The following GALNTL6 variants were observed in gnomAD, a reference collection of about 807,000 sequenced individuals.
GALNTL6 encodes the protein polypeptide N-acetylgalactosaminyltransferase-like 6.
In GALNTL6, 46 loss-of-function variants were observed where a neutral mutation model predicts 73.7. The observed-to-expected ratio is 0.62, with a 90% CI of 0.49 to 0.80. The LOEUF is 0.80. Among genes scored for constraint, GALNTL6 ranks in the 30% least tolerant of loss-of-function variants. The probability of loss-of-function intolerance (pLI) is 0.00; values close to 1 mark genes in which losing one functional copy is unlikely to be tolerated. For synonymous variants in GALNTL6, 259 were observed against 263.7 expected (o/e 0.98, Z 0.17); for missense variants, 604 against 755.0 (o/e 0.80, Z 2.34).
chr4:171,980,668 T>G (rs949955886), intron 2 of GALNTL6, among the ~76,000 whole-genome samples: 30 of 152,238 alleles, frequency 2.0e-4, no homozygotes, highest in African/African-American at 6.8e-4. Context: ...AGTGTTCTTG[T>G]GTTCTTGTTC....
intron 5 of GALNTL6, among the ~76,000 whole-genome samples, chr4:172,370,334 A>G (rs1044443153): frequency 1.3e-5 from 2 of 152,154 alleles, no homozygotes; most frequent in African/African-American, 4.8e-5. Flanking sequence ...TAACAGCAAG[A>G]TGGCTGCCAC....
chr4:171,973,795 T>G (rs59990624), intron 2 of GALNTL6, among the ~76,000 whole-genome samples: 4,256 of 152,260 alleles, frequency 0.028, 154 homozygotes, highest in African/African-American at 0.079. Flanking sequence ...TTATTATCGT[T>G]ATAGAGACAT....
intron 2 of GALNTL6, among the ~76,000 whole-genome samples, chr4:171,833,946 T>C (rs1209785533): frequency 6.6e-6 from 1 of 151,896 alleles, no homozygotes; most frequent in Admixed American, 6.6e-5. Flanking sequence ...AAATATGCAA[T>C]GTGATCTCCT....
intron 8 of GALNTL6, among the ~76,000 whole-genome samples, chr4:172,906,832 T>G (rs1292882504): frequency 6.6e-6 from 1 of 152,224 alleles, no homozygotes; most frequent in Non-Finnish European, 1.5e-5. Flanking sequence ...TCAAAGATCT[T>G]CCTTGAGGAA....
intron 2 of GALNTL6, among the ~76,000 whole-genome samples, chr4:171,843,153 GT>G (rs1199733136): frequency 6.6e-6 from 1 of 152,026 alleles, no homozygotes; most frequent in Non-Finnish European, 1.5e-5. Context: ...AGTTTTAATG[GT>G]TTTTTATGCT....
chr4:172,290,643 T>A (rs1419012470), intron 3 of GALNTL6, among the ~76,000 whole-genome samples: 1 of 152,050 alleles, frequency 6.6e-6, no homozygotes, highest in Non-Finnish European at 1.5e-5. Flanking sequence ...CAGATAATAT[T>A]TTTAAAGTTT....
chr4:172,552,841 A>AAAAAAAAC (rs1736006420), intron 5 of GALNTL6, among the ~76,000 whole-genome samples: 1 of 147,152 alleles, frequency 6.8e-6, no homozygotes, highest in South Asian at 2.1e-4. Flanking sequence ...TTGCAGTAAA[A>AAAAAAAAC]AAAAAAAAAA....
chr4:172,175,551 A>G (rs551409394), intron 2 of GALNTL6, among the ~76,000 whole-genome samples: 11 of 152,338 alleles, frequency 7.2e-5, no homozygotes, highest in South Asian at 4.1e-4. Context: ...CCAGATTACA[A>G]GTATCCTAGT....
chr4:172,140,166 C>A (rs1214754825), intron 2 of GALNTL6, among the ~76,000 whole-genome samples: 1 of 152,012 alleles, frequency 6.6e-6, no homozygotes, highest in Non-Finnish European at 1.5e-5. Flanking sequence ...AAATTCGTTA[C>A]ATTTCTTTAT....
chr4:172,621,621 T>G (rs1463909309), intron 5 of GALNTL6, among the ~76,000 whole-genome samples: 1 of 152,220 alleles, frequency 6.6e-6, no homozygotes, highest in East Asian at 1.9e-4. Flanking sequence ...TAATACAGTT[T>G]TAAAGTATTT....
intron 2 of GALNTL6, among the ~76,000 whole-genome samples, chr4:171,869,261 A>C (rs1736068448): frequency 6.6e-6 from 1 of 152,200 alleles, no homozygotes; most frequent in African/African-American, 2.4e-5. Context: ...GGAAGGAAAG[A>C]ATCATGTCAT....
intron 5 of GALNTL6, among the ~76,000 whole-genome samples, chr4:172,499,010 G>T (rs1000735568): frequency 3.9e-5 from 6 of 152,128 alleles, no homozygotes; most frequent in Non-Finnish European, 8.8e-5. Context: ...ATGAAGCCAT[G>T]CAAGGTGGGG....
intron 5 of GALNTL6, among the ~76,000 whole-genome samples, chr4:172,448,626 AG>A (rs965761466): frequency 1.3e-5 from 2 of 152,208 alleles, no homozygotes; most frequent in African/African-American, 4.8e-5. Flanking sequence ...GGGGAACGCT[AG>A]GAAAAGTTTA....
chr4:172,775,493 G>A (rs1290249296), intron 5 of GALNTL6, among the ~76,000 whole-genome samples: 3 of 152,206 alleles, frequency 2.0e-5, no homozygotes, highest in Non-Finnish European at 4.4e-5. Flanking sequence ...GATAGGCAAT[G>A]TCTGTAATCT....
At chr4:172,772,518 G>T (rs536903672) in intron 5 of GALNTL6, among the ~76,000 whole-genome samples, 2 of 152,168 alleles carry the variant, frequency 1.3e-5, no homozygotes, top group Non-Finnish European at 2.9e-5. Context: ...GGCTCAGGAG[G>T]CCAGGGTTTT....
rs1477203583 is a variant in GALNTL6 at position 171,823,334 on chromosome 4, A to G, written c.138+8616A>G. ...AAGTCAGGAGAAGGCTGATGCCCTG[A>G]GAGATTGAGGGGACAGTCCCAAGGA... On this transcript the variant is annotated intron_variant, in intron 2 of 12. Coordinates refer to ENST00000506823, the MANE Select transcript of GALNTL6 (RefSeq NM_001034845.3). 2.0e-5 allele frequency among the ~76,000 whole-genome samples: 3 copies of G among 152,076 alleles called. No individual in the cohort carries two copies. In the East Asian group the frequency reaches 5.8e-4, roughly 29 times the overall value.
intron 3 of GALNTL6, among the ~76,000 whole-genome samples, chr4:172,238,117 TGTTTA>T (rs577635639): frequency 4.9e-4 from 74 of 152,212 alleles, no homozygotes; most frequent in African/African-American, 1.6e-3. Flanking sequence ...TTTAGTTGTG[TGTTTA>T]GTTTAGTTAG....
At chr4:172,097,761 C>T (rs1732396154) in intron 2 of GALNTL6, among the ~76,000 whole-genome samples, 1 of 152,190 alleles carries the variant, frequency 6.6e-6, no homozygotes, top group African/African-American at 2.4e-5. Context: ...GATTAAGCTA[C>T]TGTTAACTTG....
intron 10 of GALNTL6, among the ~76,000 whole-genome samples, chr4:173,008,657 A>G (rs1752402252): frequency 6.6e-6 from 1 of 152,232 alleles, no homozygotes; most frequent in Non-Finnish European, 1.5e-5. Flanking sequence ...TGAAGTTAGG[A>G]AATCATTGAT....
Sources: gnomAD v4.1 joint callset for allele counts (sites outside exome capture counted in the v4.1 genomes callset) on GRCh38, gnomAD v4.1.1 for gene constraint, MANE v1.5 for transcripts, NCBI Gene and HGNC (gene_info 2026-07-23, HGNC 2026-07-21) for gene names.